RD3: variants seen among roughly 807,000 people sequenced by gnomAD.
RD3 encodes the protein RD3 regulator of GUCY2D, also known as protein RD3.
In RD3, 11 loss-of-function variants were observed where a neutral mutation model predicts 16.9. The ratio of observed to expected loss-of-function variants is 0.65; its 90% CI spans 0.41 to 1.08. The LOEUF (loss-of-function observed/expected upper bound fraction) is 1.08, where lower values mean the gene tolerates loss of function less well. Ranked by LOEUF, RD3 falls within the 50% of genes least tolerant of loss-of-function variation. RD3 has a pLI of 0.00. For missense variants in RD3, 274 were observed against 267.4 expected (o/e 1.02, Z -0.17); for synonymous variants, 116 against 114.8 (o/e 1.01, Z -0.07).
intron 1 of RD3, among the ~76,000 whole-genome samples, chr1:211,490,803 C>T (rs896304269): frequency 3.3e-5 from 5 of 152,134 alleles, no homozygotes; most frequent in African/African-American, 1.2e-4. Flanking sequence ...CTCCTCCCTG[C>T]AGCCGGCCCC....
At position 211,478,835 on chromosome 1, in the gene RD3, C is replaced by T. The variant is rs1705201733; in HGVS notation, c.*201G>A. 3.4e-6 allele frequency: 2 copies of T among 594,942 alleles called. No homozygotes were observed. The highest frequency in any genetic ancestry group is 6.1e-5 in the Admixed American group (2 of 32,982). The allele number at this position is 594,942 out of a possible 1,614,324, so 36.9% of individuals were successfully genotyped here. A position where few individuals can be genotyped will look rare whatever the true frequency, so the allele number is the denominator to read the frequency against. On this transcript the variant is annotated 3_prime_UTR_variant, in exon 3 of 3. Coordinates refer to ENST00000680073, the MANE Select transcript of RD3 (RefSeq NM_001164688.2). ...AGAGGGAGAGGGCGGTGCCGCTCTA[C>T]GACCTAACTCAGCTTTGTGGCCAGA...
Position 211,477,768 on chromosome 1 carries a change from T to C in RD3, c.*1268A>G, listed in dbSNP as rs1029635456. ...TTGATTATATCTCCTCCGGGTATTT[T>C]ATTTAGGCTACTATTAAGGTCCACT... is the stretch of plus-strand genomic sequence containing the variant. On this transcript the variant is annotated 3_prime_UTR_variant, in exon 3 of 3. Coordinates refer to ENST00000680073, the MANE Select transcript of RD3 (RefSeq NM_001164688.2). The C allele has an allele frequency of 1.6e-5, 4 of 251,646 alleles. No individual in the cohort carries two copies. The highest frequency in any genetic ancestry group is 8.9e-5 in the African/African-American group (4 of 45,056). 15.6% of individuals were successfully genotyped at this position (251,646 alleles called of 1,614,324 possible).
In RD3 at chr1:211,479,281, A is replaced by T. The variant is rs1320223562; in HGVS notation, c.343T>A (p.Ser115Thr). The T allele has an allele frequency of 6.2e-7, 1 of 1,605,676 alleles. No homozygotes were observed. Among genetic ancestry groups the T allele is most frequent in the South Asian group, 1.1e-5 (1 of 89,408 alleles). ...AEQEPEVQEV[S>T]QLFRSVLQEV... ...TGCAGCACCGAGCGGAAGAGCTGGG[A>T]CACCTCCTGCACCTCGGGCTCCTGC... Residue 115 changes from serine to threonine, a missense_variant, in exon 3 of 3, where the codon TCC (serine) becomes ACC (threonine). Ser to Thr is a moderately conservative substitution (Grantham distance 58). Coordinates refer to ENST00000680073, the MANE Select transcript of RD3 (RefSeq NM_001164688.2).
At chr1:211,486,836 T>C (rs538063427) in intron 1 of RD3, among the ~76,000 whole-genome samples, 57 of 152,194 alleles carry the variant, frequency 3.7e-4, no homozygotes, top group African/African-American at 1.2e-3. Context: ...AGAGCGAAAC[T>C]CTGTCTCCAA....
chr1:211,489,858 A>T (rs886375846), intron 1 of RD3, among the ~76,000 whole-genome samples: 1 of 152,136 alleles, frequency 6.6e-6, no homozygotes. Context: ...TTTACAGAGC[A>T]GAGTGGATGA....
chr1:211,490,497 C>G (rs1482470503), intron 1 of RD3, among the ~76,000 whole-genome samples: 1 of 152,246 alleles, frequency 6.6e-6, no homozygotes, highest in Non-Finnish European at 1.5e-5. Context: ...TCCCAGAGCA[C>G]TGGCAGCTTC....
intron 1 of RD3, among the ~76,000 whole-genome samples, chr1:211,485,330 C>T (rs1290030794): frequency 7.9e-5 from 12 of 152,266 alleles, no homozygotes; most frequent in Middle Eastern, 3.4e-3. Flanking sequence ...CCTCACTTCC[C>T]GCAACTCTGG....
chr1:211,483,500 C>T (rs1200670479), intron 1 of RD3, among the ~76,000 whole-genome samples: 2 of 151,976 alleles, frequency 1.3e-5, no homozygotes, highest in Non-Finnish European at 2.9e-5. Context: ...CTCCACGCAA[C>T]CTAAGCCTAT....
rs2102365264 is a variant in RD3 at position 211,477,618 on chromosome 1, C to T, written c.*1418G>A. The T allele has an allele frequency of 6.5e-6, 1 of 153,122 alleles. No individual in the cohort carries two copies. The highest frequency in any genetic ancestry group is 1.9e-4 in the East Asian group (1 of 5,204). The allele number at this position is 153,122 out of a possible 1,614,324, so 9.5% of individuals were successfully genotyped here. A position where few individuals can be genotyped will look rare whatever the true frequency, so the allele number is the denominator to read the frequency against. On this transcript the variant is annotated 3_prime_UTR_variant, in exon 3 of 3. Coordinates refer to ENST00000680073, the MANE Select transcript of RD3 (RefSeq NM_001164688.2). ...TGATAGTGTTGGATCAGAGGTTTTCCACCATCCTATGATTCTCTGTCCAGA... is the reference window on the plus strand; with the variant it reads ...TGATAGTGTTGGATCAGAGGTTTTCTACCATCCTATGATTCTCTGTCCAGA...
At position 211,477,116 on chromosome 1, in the gene RD3, C is replaced by G; in HGVS notation, c.*1920G>C. 6.6e-6 allele frequency: 1 copy of G among 150,686 alleles called. No individual in the cohort carries two copies. The highest frequency in any genetic ancestry group is 2.0e-4 in the East Asian group (1 of 5,086). 9.3% of individuals were successfully genotyped at this position (150,686 alleles called of 1,614,324 possible). On this transcript the variant is annotated 3_prime_UTR_variant, in exon 3 of 3. Transcript: ENST00000680073. ...AGAAAACTTAAGTGTAGAACTCCCA[C>G]CAGACAAAACATATAGGTCACAAAA...
At chr1:211,488,142 G>T (rs1056139402) in intron 1 of RD3, among the ~76,000 whole-genome samples, 1 of 152,180 alleles carries the variant, frequency 6.6e-6, no homozygotes, top group Admixed American at 6.5e-5. Context: ...TCTGAGACTC[G>T]GGCAGGAGAC....
chr1:211,479,388 G>T lies in RD3; in HGVS notation c.297-61C>A. On this transcript the variant is annotated intron_variant, in intron 2 of 2. Transcript: ENST00000680073. ...CACAACAGCGGGTCTGGCACCCCGG[G>T]CGTCTAACCCCGAGGGGCTGCCCGT... The T allele has an allele frequency of 2.0e-6, 3 of 1,502,364 alleles. No homozygotes were observed. In the South Asian group the frequency reaches 3.8e-5, roughly 19 times the overall value. The allele number at this position is 1,502,364 out of a possible 1,614,324, so 93.1% of individuals were successfully genotyped here.
chr1:211,478,239 T>G lies in RD3; in HGVS notation c.*797A>C. ...GGCGTGGGGTAATGAGTAACCTACC[T>G]CCACCCCTAGCTACACTTCTTGGAG... On this transcript the variant is annotated 3_prime_UTR_variant, in exon 3 of 3. Transcript: ENST00000680073. 2.5e-6 allele frequency: 1 copy of G among 398,376 alleles called. No individual in the cohort carries two copies. The highest frequency in any genetic ancestry group is 4.4e-6 in the Non-Finnish European group (1 of 225,988). The allele number at this position is 398,376 out of a possible 1,614,324, so 24.7% of individuals were successfully genotyped here. A position where few individuals can be genotyped will look rare whatever the true frequency, so the allele number is the denominator to read the frequency against.
chr1:211,478,348 C>G lies in RD3; in HGVS notation c.*688G>C. The G allele has an allele frequency of 2.5e-6, 1 of 395,704 alleles. No individual in the cohort carries two copies. Among genetic ancestry groups the G allele is most frequent in the East Asian group, 3.6e-5 (1 of 27,908 alleles). 24.5% of individuals were successfully genotyped at this position (395,704 alleles called of 1,614,324 possible). ...TAGAGATGTAGCCTTTGGACCTGTCCCTTCATAGCCCAGGATTCCAAACTC... is the reference window on the plus strand; with the variant it reads ...TAGAGATGTAGCCTTTGGACCTGTCGCTTCATAGCCCAGGATTCCAAACTC... On this transcript the variant is annotated 3_prime_UTR_variant, in exon 3 of 3. Transcript: ENST00000680073.
At chr1:211,487,398 G>A (rs1203814897) in intron 1 of RD3, among the ~76,000 whole-genome samples, 2 of 152,192 alleles carry the variant, frequency 1.3e-5, no homozygotes, top group African/African-American at 4.8e-5. Flanking sequence ...TGTGATAAAT[G>A]TGTACGCCTT....
chr1:211,480,376 A>C (rs1022889497), intron 2 of RD3, among the ~76,000 whole-genome samples: 8 of 152,228 alleles, frequency 5.3e-5, no homozygotes, highest in African/African-American at 1.2e-4. Context: ...TATGTTGGTT[A>C]AAGGGATGGG....
intron 1 of RD3, among the ~76,000 whole-genome samples, chr1:211,488,817 C>T (rs1419854743): frequency 6.6e-6 from 1 of 152,152 alleles, no homozygotes; most frequent in African/African-American, 2.4e-5. Context: ...ATATTCCCTC[C>T]GTGGAGTCTG....
intron 1 of RD3, among the ~76,000 whole-genome samples, chr1:211,485,590 G>T (rs79452834): frequency 6.6e-6 from 1 of 152,160 alleles, no homozygotes; most frequent in East Asian, 1.9e-4. Flanking sequence ...TGGGAAGGAC[G>T]TGGTGCCTGG....
chr1:211,478,446 A>G lies in RD3; in HGVS notation c.*590T>C, dbSNP rs886045898. ...GCTGGCTGCAGTTAAAGGCAGAAGAAGTGTCCCTCTCTGAGCCTCAAGTTC... is the reference window on the plus strand; with the variant it reads ...GCTGGCTGCAGTTAAAGGCAGAAGAGGTGTCCCTCTCTGAGCCTCAAGTTC... On this transcript the variant is annotated 3_prime_UTR_variant, in exon 3 of 3. Coordinates refer to ENST00000680073, the MANE Select transcript of RD3 (RefSeq NM_001164688.2). 11 of 347,338 alleles carry G rather than the reference A, an allele frequency of 3.2e-5. No individual in the cohort carries two copies. Among genetic ancestry groups the G allele is most frequent in the Non-Finnish European group, 5.1e-5 (10 of 194,602 alleles). The allele number at this position is 347,338 out of a possible 1,614,324, so 21.5% of individuals were successfully genotyped here.
Sources: allele counts gnomAD v4.1 joint callset (sites outside exome capture counted in the v4.1 genomes callset), GRCh38; gene constraint gnomAD v4.1.1; transcripts MANE v1.5; gene names NCBI Gene and HGNC (gene_info 2026-07-23, HGNC 2026-07-21).